SGCD: variants seen among roughly 807,000 people sequenced by gnomAD.
SGCD encodes sarcoglycan delta, also known as delta-sarcoglycan.
Under a neutral mutation model 36.6 loss-of-function variants are expected in SGCD, and 18 were observed. The ratio of observed to expected loss-of-function variants is 0.49; its 90% CI spans 0.34 to 0.73. SGCD has a LOEUF of 0.73. Among genes scored for constraint, SGCD ranks in the 30% least tolerant of loss-of-function variants. The pLI, the probability that SGCD is intolerant of heterozygous loss-of-function variation, is 0.01. For synonymous variants in SGCD, 133 were observed against 130.6 expected, an observed-to-expected ratio of 1.02 and a Z score of -0.12; for missense variants, 387 against 346.7, an observed-to-expected ratio of 1.12 and a Z score of -0.92.
intron 1 of SGCD, among the ~76,000 whole-genome samples, chr5:156,049,257 G>A (rs1436433931): frequency 6.8e-6 from 1 of 146,076 alleles, no homozygotes; most frequent in African/African-American, 2.5e-5. Flanking sequence ...GTCAGGTAGT[G>A]TGATGCCTCC....
At chr5:155,753,585 C>T in the SGCD span, among the ~76,000 whole-genome samples, 9 of 152,112 alleles carry the variant, frequency 5.9e-5, no homozygotes, top group Admixed American at 3.9e-4. Context: ...CAAAGGGCCA[C>T]GAGGATCTAC....
chr5:156,132,930 G>T (rs1041440224), intron 3 of SGCD, among the ~76,000 whole-genome samples: 2 of 152,206 alleles, frequency 1.3e-5, no homozygotes, highest in African/African-American at 4.8e-5. Context: ...CTTGTGAAAA[G>T]AGAAGAATCT....
chr5:155,806,567 C>T, the SGCD span, among the ~76,000 whole-genome samples: 1 of 152,110 alleles, frequency 6.6e-6, no homozygotes, highest in African/African-American at 2.4e-5. Flanking sequence ...TTAATGCTAT[C>T]TTGGGACAGA....
intron 7 of SGCD, among the ~76,000 whole-genome samples, chr5:156,671,149 C>A (rs1268221144): frequency 6.8e-6 from 1 of 147,996 alleles, no homozygotes; most frequent in Non-Finnish European, 1.5e-5. Context: ...ATAATAGTTT[C>A]TCTCAAGTTT....
At chr5:155,867,361 G>A (rs982435025), upstream of SGCD, among the ~76,000 whole-genome samples, 6 of 152,124 alleles carry the variant, frequency 3.9e-5, no homozygotes, top group Non-Finnish European at 8.8e-5. Flanking sequence ...GATACTGAAG[G>A]ACTCCCAGCT....
chr5:156,108,617 C>T (rs961790017), intron 1 of SGCD, among the ~76,000 whole-genome samples: 2 of 152,120 alleles, frequency 1.3e-5, no homozygotes, highest in Non-Finnish European at 2.9e-5. Flanking sequence ...TATAAAACTC[C>T]TAATTGTATT....
At chr5:155,887,574 C>T (rs1257100431) in intron 1 of SGCD, among the ~76,000 whole-genome samples, 2 of 152,264 alleles carry the variant, frequency 1.3e-5, no homozygotes, top group East Asian at 1.9e-4. Flanking sequence ...CTTAAGCTTT[C>T]TATGCTTCAG....
intron 3 of SGCD, among the ~76,000 whole-genome samples, chr5:156,211,976 A>G (rs1370637230): frequency 6.6e-6 from 1 of 152,212 alleles, no homozygotes; most frequent in Non-Finnish European, 1.5e-5. Context: ...TTATGTAAGC[A>G]TCATTGGAAC....
At chr5:155,751,465 G>A in the SGCD span, among the ~76,000 whole-genome samples, 3 of 151,830 alleles carry the variant, frequency 2.0e-5, no homozygotes, top group South Asian at 2.1e-4. Flanking sequence ...GGCTCACTCC[G>A]GCCTTGATGT....
At chr5:156,210,826 A>G (rs572045923) in intron 3 of SGCD, among the ~76,000 whole-genome samples, 7 of 152,132 alleles carry the variant, frequency 4.6e-5, no homozygotes, top group South Asian at 4.1e-4. Context: ...AAGAGCATCA[A>G]AAGAGCAAAT....
intron 7 of SGCD, among the ~76,000 whole-genome samples, chr5:156,733,997 G>T (rs1756218118): frequency 6.6e-6 from 1 of 151,948 alleles, no homozygotes; most frequent in South Asian, 2.1e-4. Flanking sequence ...GACTTTATGT[G>T]GTTGCTTTAT....
At chr5:156,464,524 A>G (rs1194204862) in intron 3 of SGCD, among the ~76,000 whole-genome samples, 1 of 152,026 alleles carries the variant, frequency 6.6e-6, no homozygotes, top group Non-Finnish European at 1.5e-5. Flanking sequence ...CCGGCCTTGA[A>G]TCTACGTTCT....
chr5:156,409,701 T>G (rs1772641222), intron 3 of SGCD, among the ~76,000 whole-genome samples: 1 of 152,294 alleles, frequency 6.6e-6, no homozygotes, highest in African/African-American at 2.4e-5. Context: ...AATTATAATT[T>G]TTACCTCTAA....
At chr5:155,800,304 G>A in the SGCD span, among the ~76,000 whole-genome samples, 1 of 152,136 alleles carries the variant, frequency 6.6e-6, no homozygotes, top group Non-Finnish European at 1.5e-5. Flanking sequence ...AACACAGTGT[G>A]TGCATATTTG....
intron 1 of SGCD, among the ~76,000 whole-genome samples, chr5:155,895,122 A>G (rs1271981255): frequency 6.6e-6 from 1 of 152,230 alleles, no homozygotes; most frequent in Non-Finnish European, 1.5e-5. Flanking sequence ...TACAGGGGCT[A>G]CAAGACCTTT....
At chr5:155,832,889 G>A in the SGCD span, among the ~76,000 whole-genome samples, 13 of 151,672 alleles carry the variant, frequency 8.6e-5, no homozygotes, top group Admixed American at 2.0e-4. Flanking sequence ...GGAATCTTGC[G>A]TACTTGTCAG....
intron 3 of SGCD, among the ~76,000 whole-genome samples, chr5:156,133,560 C>T (rs1762378364): frequency 6.6e-6 from 1 of 152,128 alleles, no homozygotes; most frequent in East Asian, 1.9e-4. Flanking sequence ...GCATTGGGCC[C>T]TTAAAATGCA....
At chr5:156,264,092 A>C (rs181559576) in intron 3 of SGCD, among the ~76,000 whole-genome samples, 2 of 152,250 alleles carry the variant, frequency 1.3e-5, no homozygotes, top group African/African-American at 4.8e-5. Context: ...TAGAGAGGAC[A>C]GTTTGGAGGC....
chr5:156,416,757 G>A (rs1188526524), intron 3 of SGCD, among the ~76,000 whole-genome samples: 1 of 152,116 alleles, frequency 6.6e-6, no homozygotes, highest in Non-Finnish European at 1.5e-5. Context: ...GCCTCAAGAG[G>A]ATCCTAAGGA....
Sources: allele counts gnomAD v4.1 joint callset (sites outside exome capture counted in the v4.1 genomes callset), GRCh38; gene constraint gnomAD v4.1.1; transcripts MANE v1.5; gene names NCBI Gene and HGNC (gene_info 2026-07-23, HGNC 2026-07-21).